PRKG1: variants seen among roughly 807,000 people sequenced by gnomAD.
PRKG1 encodes cGMP-dependent protein kinase 1.
Under a neutral mutation model 88.1 loss-of-function variants are expected in PRKG1, and 35 were observed. The ratio of observed to expected loss-of-function variants is 0.40; its 90% CI spans 0.30 to 0.53. The LOEUF is 0.53. Among genes scored for constraint, PRKG1 ranks in the 20% least tolerant of loss-of-function variants. PRKG1 has a pLI of 0.59. For synonymous variants in PRKG1, 303 were observed against 292.5 expected (o/e 1.04, Z -0.37); for missense variants, 540 against 839.8 (o/e 0.64, Z 4.41).
At chr10:51,477,458 A>G (rs1235307115) in intron 3 of PRKG1, among the ~76,000 whole-genome samples, 1 of 151,832 alleles carries the variant, frequency 6.6e-6, no homozygotes, top group Non-Finnish European at 1.5e-5. Context: ...ATTTGTGTCC[A>G]GAAGCATATT....
chr10:51,104,581 G>A (rs1844773458), intron 1 of PRKG1, among the ~76,000 whole-genome samples: 1 of 151,678 alleles, frequency 6.6e-6, no homozygotes, highest in Non-Finnish European at 1.5e-5. Flanking sequence ...GTGCAGTGGT[G>A]CGATCTCTGC....
intron 1 of PRKG1, among the ~76,000 whole-genome samples, chr10:51,133,429 G>A (rs1845617986): frequency 6.6e-6 from 1 of 152,146 alleles, no homozygotes; most frequent in Admixed American, 6.5e-5. Flanking sequence ...TCTATGTATT[G>A]TAGTGCAATC....
At chr10:51,753,680 T>G (rs1837784817) in intron 3 of PRKG1, among the ~76,000 whole-genome samples, 1 of 152,218 alleles carries the variant, frequency 6.6e-6, no homozygotes, top group Non-Finnish European at 1.5e-5. Context: ...GCTTTAACAT[T>G]TTAAAACCAT....
chr10:52,227,916 ACTT>A (rs1305941040), intron 9 of PRKG1, among the ~76,000 whole-genome samples: 1 of 152,134 alleles, frequency 6.6e-6, no homozygotes, highest in East Asian at 1.9e-4. Flanking sequence ...TTTCCTTGTT[ACTT>A]CTTAATTTGT....
At chr10:51,561,081 T>TA (rs36052441) in intron 3 of PRKG1, among the ~76,000 whole-genome samples, 31 of 149,048 alleles carry the variant, frequency 2.1e-4, no homozygotes, top group Non-Finnish European at 3.0e-4. Context: ...ACCCTGTATC[T>TA]AAAAAAAAGA....
At chr10:51,318,089 C>T (rs1399176667) in intron 2 of PRKG1, among the ~76,000 whole-genome samples, 1 of 152,190 alleles carries the variant, frequency 6.6e-6, no homozygotes, top group African/African-American at 2.4e-5. Context: ...GCCAAATTAT[C>T]CACTAGACTG....
chr10:52,172,004 T>C (rs1049135626), intron 9 of PRKG1, among the ~76,000 whole-genome samples: 4 of 150,502 alleles, frequency 2.7e-5, no homozygotes, highest in African/African-American at 9.8e-5. Flanking sequence ...GGGTTTCACC[T>C]TGTTAGCCAG....
intron 3 of PRKG1, among the ~76,000 whole-genome samples, chr10:51,498,827 T>C (rs1840938343): frequency 6.6e-6 from 1 of 152,136 alleles, no homozygotes; most frequent in Non-Finnish European, 1.5e-5. Context: ...TAGATGGTTC[T>C]CTTACCTAAT....
At chr10:52,213,089 C>T (rs1432199447) in intron 9 of PRKG1, among the ~76,000 whole-genome samples, 4 of 151,870 alleles carry the variant, frequency 2.6e-5, no homozygotes, top group East Asian at 3.9e-4. Context: ...TATATTAATT[C>T]GGCTCTGAAT....
intron 3 of PRKG1, among the ~76,000 whole-genome samples, chr10:51,575,788 A>C (rs182749780): frequency 6.6e-6 from 1 of 151,852 alleles, no homozygotes; most frequent in Non-Finnish European, 1.5e-5. Flanking sequence ...CATTTTAGAG[A>C]CCTATAATAT....
At chr10:51,561,195 T>C (rs954856040) in intron 3 of PRKG1, among the ~76,000 whole-genome samples, 6 of 152,020 alleles carry the variant, frequency 3.9e-5, no homozygotes, top group African/African-American at 1.4e-4. Flanking sequence ...TATATGCCTA[T>C]AGTCCCAGAT....
intron 3 of PRKG1, among the ~76,000 whole-genome samples, chr10:51,566,741 A>G (rs1837615262): frequency 6.6e-6 from 1 of 151,982 alleles, no homozygotes; most frequent in African/African-American, 2.4e-5. Flanking sequence ...TGGATGGAGG[A>G]CCCACAGGAG....
chr10:52,043,122 G>A (rs551408467), intron 5 of PRKG1, among the ~76,000 whole-genome samples: 63 of 152,168 alleles, frequency 4.1e-4, no homozygotes, highest in Non-Finnish European at 7.1e-4. Flanking sequence ...TTCTTTGTAG[G>A]AATGTAAACT....
intron 5 of PRKG1, among the ~76,000 whole-genome samples, chr10:52,017,743 G>A (rs1435330628): frequency 1.3e-5 from 2 of 152,188 alleles, no homozygotes; most frequent in African/African-American, 4.8e-5. Context: ...ACCATGTGGA[G>A]TGTGATGCCA....
In PRKG1 at chr10:51,439,161, G is replaced by A. The variant is rs190996708; in HGVS notation, c.479-28562G>A. On this transcript the variant is annotated intron_variant, in intron 2 of 17. Transcript: ENST00000373980. Reference sequence around the variant, plus strand: ...ACATGTCATGACTTTGACCTTCAGTGTGGTAGAGTGATTTTGTAGAAGCTG... The same window carrying A: ...ACATGTCATGACTTTGACCTTCAGTATGGTAGAGTGATTTTGTAGAAGCTG... 3.9e-3 allele frequency among the ~76,000 whole-genome samples: 599 copies of A among 151,924 alleles called. 6 individuals are homozygous for A. Among genetic ancestry groups the A allele is most frequent in the African/African-American group, 0.014 (576 of 41,508 alleles).
chr10:51,113,910 C>T (rs1845039693), intron 1 of PRKG1, among the ~76,000 whole-genome samples: 1 of 149,826 alleles, frequency 6.7e-6, no homozygotes, highest in Non-Finnish European at 1.5e-5. Context: ...GGGGGATTTC[C>T]AGGGGAGCAC....
intron 1 of PRKG1, among the ~76,000 whole-genome samples, chr10:51,134,938 G>T (rs1015749526): frequency 4.6e-5 from 7 of 152,056 alleles, no homozygotes; most frequent in Non-Finnish European, 8.8e-5. Flanking sequence ...ATAATAAAAT[G>T]GATAAATAAT....
intron 5 of PRKG1, 45 bp from the exon 6 acceptor site, chr10:52,054,439 C>A: frequency 6.8e-7 from 1 of 1,468,688 alleles, no homozygotes; most frequent in Non-Finnish European, 9.5e-7. Flanking sequence ...TGTTTGGTAA[C>A]TTACTGCTTG....
chr10:51,682,459 G>A (rs1390214021), intron 3 of PRKG1, among the ~76,000 whole-genome samples: 3 of 152,134 alleles, frequency 2.0e-5, no homozygotes, highest in African/African-American at 7.2e-5. Flanking sequence ...AGCTGATCTC[G>A]TTTCCTCCAT....
Sources: allele counts gnomAD v4.1 joint callset (sites outside exome capture counted in the v4.1 genomes callset), GRCh38; gene constraint gnomAD v4.1.1; transcripts MANE v1.5; gene names NCBI Gene and HGNC (gene_info 2026-07-23, HGNC 2026-07-21).